Variants in RIMS4 observed in about 807,000 individuals in gnomAD.
RIMS4 encodes regulating synaptic membrane exocytosis 4, also known as regulating synaptic membrane exocytosis protein 4.
In RIMS4, 9 loss-of-function variants were observed where a neutral mutation model predicts 29.0. That is an observed-to-expected ratio of 0.31 (90% CI 0.19 to 0.54). RIMS4 has a LOEUF of 0.54. Among genes scored for constraint, RIMS4 ranks in the 20% least tolerant of loss-of-function variants. The pLI is 0.94. For synonymous variants in RIMS4, 130 were observed against 152.9 expected (o/e 0.85, Z 1.10); for missense variants, 193 against 365.7 (o/e 0.53, Z 3.85).
rs553005623 is a variant in RIMS4, at chr20:44,805,477, T to C, written c.97+4698A>G. On this transcript the variant is annotated intron_variant, in intron 1 of 5. Coordinates refer to ENST00000372851, the MANE Select transcript of RIMS4 (RefSeq NM_182970.4). The stretch of plus-strand genomic sequence containing the variant: ...CATTAAGAAAATGGGAAGGGGGGTG[T>C]GGTCAGGAAGAAGTGAGAGAGGAAG... Among the ~76,000 whole-genome samples, 22 of 151,912 alleles carry C rather than the reference T, an allele frequency of 1.4e-4. No individual in the cohort carries two copies. The South Asian group carries it at 4.2e-3, about 29-fold the overall frequency.
chr20:44,759,388 G>A (rs957170237), intron 2 of RIMS4, among the ~76,000 whole-genome samples: 2 of 152,088 alleles, frequency 1.3e-5, no homozygotes, highest in African/African-American at 4.8e-5. Context: ...CTCCCAAGTA[G>A]CTGGGAATAC....
intron 1 of RIMS4, among the ~76,000 whole-genome samples, chr20:44,791,945 C>T (rs1012576032): frequency 7.9e-5 from 12 of 152,132 alleles, no homozygotes; most frequent in South Asian, 2.1e-4. Flanking sequence ...CCCACTGAGA[C>T]GTAAATAAAC....
intron 2 of RIMS4, among the ~76,000 whole-genome samples, chr20:44,764,134 CCATT>C (rs2066100208): frequency 3.7e-5 from 3 of 80,664 alleles, no homozygotes; most frequent in Non-Finnish European, 6.0e-5. Context: ...ATCCATCCAT[CCATT>C]TATGCATCCA....
chr20:44,762,163 A>G (rs2066088243), intron 2 of RIMS4, among the ~76,000 whole-genome samples: 1 of 152,216 alleles, frequency 6.6e-6, no homozygotes, highest in Admixed American at 6.5e-5. Context: ...TCATGCTCCT[A>G]TGAGAATCTA....
rs375808660 is a variant in RIMS4, at chr20:44,782,425, T to G, written c.98-11012A>C. 5.1e-3 allele frequency among the ~76,000 whole-genome samples: 618 copies of G among 122,310 alleles called. 3 individuals are homozygous for G. The highest frequency in any genetic ancestry group is 0.023 in the African/African-American group (586 of 25,308). 80.2% of individuals were successfully genotyped at this position (122,310 alleles called of 152,430 possible). A position where few individuals can be genotyped will look rare whatever the true frequency, so the allele number is the denominator to read the frequency against. On this transcript the variant is annotated intron_variant, in intron 1 of 5. Coordinates refer to ENST00000372851, the MANE Select transcript of RIMS4 (RefSeq NM_182970.4). ...GGTTACATGCATGCACCACCATGCCTGGCTAATTTTTTTTTTCCTTTTTGT... is the reference window on the plus strand; with the variant it reads ...GGTTACATGCATGCACCACCATGCCGGGCTAATTTTTTTTTTCCTTTTTGT...
intron 2 of RIMS4, among the ~76,000 whole-genome samples, chr20:44,764,054 C>T (rs1348101251): frequency 1.3e-5 from 2 of 150,620 alleles, no homozygotes; most frequent in African/African-American, 4.9e-5. Flanking sequence ...ATTTATCCAT[C>T]CATCCATCCA....
chr20:44,796,088 C>G (rs919181374), intron 1 of RIMS4, among the ~76,000 whole-genome samples: 2 of 151,464 alleles, frequency 1.3e-5, no homozygotes, highest in Admixed American at 6.6e-5. Flanking sequence ...GTCTCACCCC[C>G]TCCCCTCCCC....
In RIMS4 at chr20:44,771,391, C is replaced by T; in HGVS notation, c.120G>A (p.Gly40=). The T allele has an allele frequency of 6.2e-7, 1 of 1,613,212 alleles. No individual in the cohort carries two copies. The highest frequency in any genetic ancestry group is 8.5e-7 in the Non-Finnish European group (1 of 1,179,542). The change falls in exon 2 of 6, where the codon GGG becomes GGA. Residue 40 remains glycine (G), a synonymous_variant. Coordinates refer to ENST00000372851, the MANE Select transcript of RIMS4 (RefSeq NM_182970.4). ...EDAGDSRRLK[G]AIQRSTETGL... Reference sequence around the variant, plus strand: ...CCGTCTCCGTGCTCCTCTGGATGGCCCCCTTCAGCCTCCGGCTGTCCCCTT... The same window carrying T: ...CCGTCTCCGTGCTCCTCTGGATGGCTCCCTTCAGCCTCCGGCTGTCCCCTT...
chr20:44,758,754 C>A (rs2066071687), intron 2 of RIMS4, among the ~76,000 whole-genome samples: 1 of 152,176 alleles, frequency 6.6e-6, no homozygotes, highest in Non-Finnish European at 1.5e-5. Context: ...CCCAGTTCAG[C>A]CAACAAGAAT....
At chr20:44,765,849 G>GC (rs1446031813) in intron 2 of RIMS4, among the ~76,000 whole-genome samples, 1 of 152,230 alleles carries the variant, frequency 6.6e-6, no homozygotes, top group Non-Finnish European at 1.5e-5. Context: ...CTGGGAGCCA[G>GC]CCTGGAGCGC....
intron 1 of RIMS4, among the ~76,000 whole-genome samples, chr20:44,785,924 C>T (rs2066206594): frequency 6.6e-6 from 1 of 152,062 alleles, no homozygotes; most frequent in East Asian, 1.9e-4. Flanking sequence ...GCCAAGATCC[C>T]AGGCCTGGAG....
At chr20:44,762,457 C>T (rs527298353) in intron 2 of RIMS4, among the ~76,000 whole-genome samples, 110 of 152,226 alleles carry the variant, frequency 7.2e-4, no homozygotes, top group African/African-American at 2.6e-3. Context: ...GGGGGTCTCA[C>T]GGATTCCAGG....
At chr20:44,776,495 TCTC>T (rs981468210) in intron 1 of RIMS4, among the ~76,000 whole-genome samples, 4 of 152,158 alleles carry the variant, frequency 2.6e-5, no homozygotes, top group African/African-American at 9.7e-5. Context: ...TTCTCACTCC[TCTC>T]CTTTCCTCCT....
chr20:44,804,900 G>A (rs1316368812), intron 1 of RIMS4, among the ~76,000 whole-genome samples: 1 of 152,170 alleles, frequency 6.6e-6, no homozygotes, highest in African/African-American at 2.4e-5. Flanking sequence ...AGCACTGATT[G>A]CACCACAGCA....
intron 1 of RIMS4, among the ~76,000 whole-genome samples, chr20:44,793,729 G>A (rs549145865): frequency 4.6e-5 from 7 of 152,222 alleles, no homozygotes; most frequent in South Asian, 4.2e-4. Context: ...GAACATTCCA[G>A]TAATGCTGGC....
intron 1 of RIMS4, among the ~76,000 whole-genome samples, chr20:44,779,074 C>A (rs939559540): frequency 6.6e-6 from 1 of 152,178 alleles, no homozygotes; most frequent in African/African-American, 2.4e-5. Context: ...TGACCTGGTC[C>A]CAATTTACAT....
At chr20:44,803,267 AG>A (rs1182217212) in intron 1 of RIMS4, among the ~76,000 whole-genome samples, 1 of 152,232 alleles carries the variant, frequency 6.6e-6, no homozygotes, top group Admixed American at 6.5e-5. Context: ...ATACCAGAAA[AG>A]AAAACCTGGA....
At chr20:44,786,316 G>A (rs80300660) in intron 1 of RIMS4, among the ~76,000 whole-genome samples, 2,478 of 152,244 alleles carry the variant, frequency 0.016, 35 homozygotes, top group Non-Finnish European at 0.025. Context: ...CCAAGTGAGA[G>A]TCGAGGCAAG....
rs1947275243 is a variant in RIMS4, at chr20:44,810,415, G to C, written c.-144C>G. 6.6e-6 allele frequency: 1 copy of C among 151,264 alleles called. No individual in the cohort carries two copies. The highest frequency in any genetic ancestry group is 2.5e-5 in the African/African-American group (1 of 40,588). 9.4% of individuals were successfully genotyped at this position (151,264 alleles called of 1,614,324 possible). ...CGGGGCCGGGCCGAGGCTCCGCTGC[G>C]GGGCTGGCGGGCGCGGCGGGGCCGG... On this transcript the variant is annotated 5_prime_UTR_variant, in exon 1 of 6. Coordinates refer to ENST00000372851, the MANE Select transcript of RIMS4 (RefSeq NM_182970.4).
Sources: gnomAD v4.1 joint callset for allele counts (sites outside exome capture counted in the v4.1 genomes callset) on GRCh38, gnomAD v4.1.1 for gene constraint, MANE v1.5 for transcripts, NCBI Gene and HGNC (gene_info 2026-07-23, HGNC 2026-07-21) for gene names.